SMAP1: variants seen among roughly 807,000 people sequenced by gnomAD.
SMAP1 encodes small ArfGAP 1, also known as stromal membrane-associated protein 1.
SMAP1 carries 24 observed loss-of-function variants against 58.5 expected under a neutral mutation model. The observed-to-expected ratio is 0.41, with a 90% CI of 0.30 to 0.58. The LOEUF (loss-of-function observed/expected upper bound fraction) is 0.58. SMAP1 is among the 20% of genes least tolerant of loss of function. SMAP1 has a pLI of 0.29. For missense variants in SMAP1, 563 were observed against 566.3 expected (o/e 0.99, Z 0.06); for synonymous variants, 216 against 196.6 (o/e 1.10, Z -0.82).
chr6:70,861,827 TA>T lies in SMAP1; in HGVS notation c.*1494del, dbSNP rs1562211290. ...GGTCGGGCAGCACAAGTGTAATGAA[TA>T]CCTTAGTGCAGTTATTTGCTTTCGG... On this transcript the variant is annotated 3_prime_UTR_variant, in exon 11 of 11. Transcript: ENST00000370455. The T allele has an allele frequency of 7.4e-6, 12 of 1,614,114 alleles. No homozygotes were observed. The highest frequency in any genetic ancestry group is 1.0e-5 in the Non-Finnish European group (12 of 1,179,976).
At chr6:70,713,852 C>G (rs1205214820) in intron 1 of SMAP1, among the ~76,000 whole-genome samples, 3 of 152,082 alleles carry the variant, frequency 2.0e-5, no homozygotes, top group African/African-American at 7.2e-5. Flanking sequence ...AAGTCACCTA[C>G]TATTACTGTA....
chr6:70,732,318 GTTATGT>G (rs1239993092), intron 1 of SMAP1, 54 bp from the exon 2 acceptor site: 1 of 1,539,406 alleles, frequency 6.5e-7, no homozygotes, highest in East Asian at 2.3e-5. Context: ...CTAATATGCT[GTTATGT>G]TTATTTTTGT....
chr6:70,684,792 C>T (rs1766865146), intron 1 of SMAP1, among the ~76,000 whole-genome samples: 2 of 152,098 alleles, frequency 1.3e-5, no homozygotes, highest in Non-Finnish European at 2.9e-5. Flanking sequence ...TAATATTCTT[C>T]CTCCAGTTGT....
chr6:70,671,759 A>G (rs1205616733), intron 1 of SMAP1, among the ~76,000 whole-genome samples: 3 of 152,244 alleles, frequency 2.0e-5, no homozygotes, highest in Admixed American at 6.5e-5. Context: ...CTTTGACTTC[A>G]TATGTTTTCA....
intron 6 of SMAP1, among the ~76,000 whole-genome samples, chr6:70,809,070 G>T (rs1158258496): frequency 6.6e-6 from 1 of 151,970 alleles, no homozygotes; most frequent in Non-Finnish European, 1.5e-5. Flanking sequence ...AATGTCTCTT[G>T]TGCAGATATT....
intron 4 of SMAP1, among the ~76,000 whole-genome samples, chr6:70,779,474 T>C (rs918811025): frequency 2.0e-5 from 3 of 152,128 alleles, no homozygotes; most frequent in Non-Finnish European, 4.4e-5. Flanking sequence ...CAGCTCCTTA[T>C]ACTAGACTCA....
At chr6:70,712,793 T>TTTC (rs1173777809) in intron 1 of SMAP1, among the ~76,000 whole-genome samples, 2 of 140,910 alleles carry the variant, frequency 1.4e-5, no homozygotes, top group African/African-American at 2.7e-5. Context: ...TCTTTTTTTC[T>TTTC]TTTCTTTTTT....
At chr6:70,752,989 C>T (rs532027589) in intron 2 of SMAP1, among the ~76,000 whole-genome samples, 134 of 152,068 alleles carry the variant, frequency 8.8e-4, no homozygotes, top group Middle Eastern at 3.4e-3. Flanking sequence ...TTTGTGATAA[C>T]ATCACTAGAA....
intron 3 of SMAP1, among the ~76,000 whole-genome samples, chr6:70,770,765 T>C (rs1035909872): frequency 4.6e-5 from 7 of 152,232 alleles, no homozygotes; most frequent in African/African-American, 1.7e-4. Context: ...AGTCATTCTC[T>C]GTCCACCATT....
chr6:70,715,875 C>A (rs113446923), intron 1 of SMAP1, among the ~76,000 whole-genome samples: 60 of 146,122 alleles, frequency 4.1e-4, no homozygotes, highest in Middle Eastern at 3.4e-3. Flanking sequence ...GTATTTTATC[C>A]CTCACCCGCT....
intron 4 of SMAP1, among the ~76,000 whole-genome samples, chr6:70,788,423 G>A (rs1359552726): frequency 3.3e-5 from 5 of 151,444 alleles, no homozygotes; most frequent in African/African-American, 7.3e-5. Flanking sequence ...CACATTGTGC[G>A]CATGTACCCT....
At chr6:70,729,497 G>A (rs1180823066) in intron 1 of SMAP1, among the ~76,000 whole-genome samples, 3 of 148,036 alleles carry the variant, frequency 2.0e-5, no homozygotes, top group Non-Finnish European at 3.0e-5. Flanking sequence ...GTGTGTGTAT[G>A]TGTGTATGTA....
At chr6:70,799,962 G>T (rs1437240371) in intron 6 of SMAP1, among the ~76,000 whole-genome samples, 1 of 152,090 alleles carries the variant, frequency 6.6e-6, no homozygotes, top group African/African-American at 2.4e-5. Context: ...GTATGTAATG[G>T]TGTCTCATTA....
intron 3 of SMAP1, among the ~76,000 whole-genome samples, chr6:70,764,491 A>G (rs1247750465): frequency 6.6e-6 from 1 of 152,168 alleles, no homozygotes; most frequent in Non-Finnish European, 1.5e-5. Flanking sequence ...GCTAATGTTT[A>G]TTTACTATTT....
intron 1 of SMAP1, among the ~76,000 whole-genome samples, chr6:70,673,649 TAA>T (rs1281312633): frequency 3.3e-5 from 5 of 152,250 alleles, no homozygotes; most frequent in African/African-American, 1.2e-4. Context: ...CAAATTTATA[TAA>T]GTGAAAGTCT....
chr6:70,761,610 T>G (rs1031267712), intron 3 of SMAP1, among the ~76,000 whole-genome samples: 3 of 152,046 alleles, frequency 2.0e-5, no homozygotes, highest in African/African-American at 7.2e-5. Context: ...GTACAGTAAT[T>G]CTGTTTCCTC....
chr6:70,787,189 G>A (rs1247536721), intron 4 of SMAP1, among the ~76,000 whole-genome samples: 4 of 152,140 alleles, frequency 2.6e-5, no homozygotes, highest in Non-Finnish European at 5.9e-5. Context: ...GACAAAAGGA[G>A]CAATGGGGAA....
intron 1 of SMAP1, among the ~76,000 whole-genome samples, chr6:70,686,347 TG>T (rs1366261864): frequency 6.6e-6 from 1 of 152,212 alleles, no homozygotes; most frequent in Non-Finnish European, 1.5e-5. Flanking sequence ...TATTTTCTCT[TG>T]GGATTCTGAC....
intron 6 of SMAP1, among the ~76,000 whole-genome samples, chr6:70,828,496 A>C (rs571865367): frequency 6.6e-6 from 1 of 152,174 alleles, no homozygotes; most frequent in Admixed American, 6.5e-5. Context: ...CACAGTCACA[A>C]AGCCTCCCAC....
Sources: gnomAD v4.1 joint callset for allele counts (sites outside exome capture counted in the v4.1 genomes callset) on GRCh38, gnomAD v4.1.1 for gene constraint, MANE v1.5 for transcripts, NCBI Gene and HGNC (gene_info 2026-07-23, HGNC 2026-07-21) for gene names.